Variants in ATRIP observed in about 807,000 individuals in gnomAD.
ATRIP encodes the protein ATR-interacting protein.
ATRIP carries 44 observed loss-of-function variants against 78.1 expected under a neutral mutation model. The ratio of observed to expected loss-of-function variants is 0.56; its 90% confidence interval spans 0.44 to 0.72. The LOEUF is 0.72. ATRIP is among the 30% of genes least tolerant of loss of function. The pLI, the probability that ATRIP is intolerant of heterozygous loss-of-function variation, is 0.00. For missense variants in ATRIP, 927 were observed against 980.2 expected (o/e 0.95, Z 0.72); for synonymous variants, 388 against 408.9 (o/e 0.95, Z 0.62).
chr3:48,463,709 GGGAGTGTCAC>G, intron 8 of ATRIP, 26 bp from the exon 9 acceptor site: 1 of 1,612,682 alleles, frequency 6.2e-7, no homozygotes, highest in Non-Finnish European at 8.5e-7. Context: ...GCTGGGGTTG[GGGAGTGTCAC>G]GTCTCTCTGG....
Position 48,446,873 on chromosome 3 carries a change from A to C in ATRIP, c.28A>C (p.Lys10Gln), listed in dbSNP as rs1313494164. 1 of 1,402,490 alleles carries C rather than the reference A, an allele frequency of 7.1e-7. No individual in the cohort carries two copies. The highest frequency in any genetic ancestry group is 9.3e-7 in the Non-Finnish European group (1 of 1,080,676). 86.9% of individuals were successfully genotyped at this position (1,402,490 alleles called of 1,614,324 possible). A position where few individuals can be genotyped will look rare whatever the true frequency, so the allele number is the denominator to read the frequency against. Reference sequence around the variant, plus strand: ...GGCGGGGACCTCCGCGCCAGGCAGCAAGAGGCGGAGCGAGCCCCCGGCGCC... The same window carrying C: ...GGCGGGGACCTCCGCGCCAGGCAGCCAGAGGCGGAGCGAGCCCCCGGCGCC... Reference protein sequence around the residue: MAGTSAPGSKRRSEPPAPRP... With the variant: MAGTSAPGSQRRSEPPAPRP... Residue 10 changes from lysine (K) to glutamine (Q), a missense_variant, in exon 1 of 13, where the codon AAG becomes CAG. Physicochemically the swap from Lys to Gln is moderately conservative, Grantham distance 53. Coordinates refer to ENST00000320211, the MANE Select transcript of ATRIP (RefSeq NM_130384.3).
chr3:48,459,889 C>T lies in ATRIP; in HGVS notation c.1028C>T (p.Thr343Ile). 6.2e-7 allele frequency: 1 copy of T among 1,613,636 alleles called. No homozygotes were observed. Among genetic ancestry groups the T allele is most frequent in the Admixed American group, 1.7e-5 (1 of 59,880 alleles). ...LSSSSESPAG[T>I]PLQPPGFGST... The stretch of plus-strand genomic sequence containing the variant: ...AGTAGTTCTGAGTCTCCTGCTGGCA[C>T]CCCCCTGCAGCCACCAGGGTTTGGC... The change falls in exon 7 of 13, where the codon ACC becomes ATC. Residue 343 changes from threonine to isoleucine, a missense_variant. Coordinates refer to ENST00000320211, the MANE Select transcript of ATRIP (RefSeq NM_130384.3).
intron 12 of ATRIP, among the ~76,000 whole-genome samples, 187 bp from the exon 13 acceptor site, chr3:48,465,300 G>A (rs1035047295): frequency 1.4e-4 from 21 of 152,208 alleles, no homozygotes; most frequent in African/African-American, 5.1e-4. Context: ...GCAGAGCCAC[G>A]GTTTTTCCAG....
In ATRIP at chr3:48,446,793, G is replaced by A; in HGVS notation, c.-53G>A. On this transcript the variant is annotated 5_prime_UTR_variant, in exon 1 of 13. Transcript: ENST00000320211. ...ACGGTTGGTCCAGTTCTCCGGCCTG[G>A]CGGCAGGCAAGTCTAGCTCGGCGCT... 3 of 1,357,636 alleles carry A rather than the reference G, an allele frequency of 2.2e-6. No individual in the cohort carries two copies. Among genetic ancestry groups the A allele is most frequent in the Non-Finnish European group, 2.8e-6 (3 of 1,052,792 alleles). 84.1% of individuals were successfully genotyped at this position (1,357,636 alleles called of 1,614,324 possible).
chr3:48,466,306 T>C lies in ATRIP; in HGVS notation c.*752T>C, dbSNP rs1027219174. The C allele has an allele frequency of 9.4e-6, 7 of 744,950 alleles. No homozygotes were observed. Among genetic ancestry groups the C allele is most frequent in the Middle Eastern group, 3.7e-4 (1 of 2,714 alleles). 46.1% of individuals were successfully genotyped at this position (744,950 alleles called of 1,614,324 possible). The stretch of plus-strand genomic sequence containing the variant: ...CACTACTGCCTGCCTGCCTGCCTGC[T>C]ACGGTGAGTGTGGCCCCCACAATGG... On this transcript the variant is annotated 3_prime_UTR_variant, in exon 13 of 13. Coordinates refer to ENST00000320211, the MANE Select transcript of ATRIP (RefSeq NM_130384.3).
intron 8 of ATRIP, 97 bp downstream of exon 8, chr3:48,460,896 A>G (rs2040088049): frequency 3.3e-6 from 4 of 1,201,416 alleles, no homozygotes; most frequent in Non-Finnish European, 4.6e-6. Context: ...ATCTTGACTT[A>G]TCTACACTAG....
Position 48,460,112 on chromosome 3 carries a change from C to G in ATRIP, c.1058C>G (p.Thr353Ser), listed in dbSNP as rs2040059090. The G allele has an allele frequency of 6.2e-7, 1 of 1,609,036 alleles. No homozygotes were observed. Among genetic ancestry groups the G allele is most frequent in the Admixed American group, 1.7e-5 (1 of 59,480 alleles). Reference sequence around the variant, plus strand: ...TTTTTCTTTGTGTTTGTTGCCAGTACCTTGGCTGGAATGTCAGGCCTCAGG... The same window carrying G: ...TTTTTCTTTGTGTTTGTTGCCAGTAGCTTGGCTGGAATGTCAGGCCTCAGG... ...TPLQPPGFGS[T>S]LAGMSGLRTT... is the part of the protein sequence containing the mutation. Residue 353 changes from threonine to serine, a missense_variant and splice_region_variant, in exon 8 of 13, where the codon ACC becomes AGC. Transcript: ENST00000320211.
intron 1 of ATRIP, 148 bp downstream of exon 1, chr3:48,447,240 T>C: frequency 7.9e-7 from 1 of 1,267,324 alleles, no homozygotes; most frequent in East Asian, 3.2e-5. Context: ...AGCGGTTGTC[T>C]TCCAGAAGGT....
intron 3 of ATRIP, among the ~76,000 whole-genome samples, chr3:48,453,143 C>G (rs2039875579): frequency 6.6e-6 from 1 of 152,148 alleles, no homozygotes; most frequent in African/African-American, 2.4e-5. Context: ...CTTGGCCTTC[C>G]AAAGTGCTGA....
In ATRIP at chr3:48,467,298, C is replaced by G. The variant is rs1289310718; in HGVS notation, c.*1744C>G. On this transcript the variant is annotated 3_prime_UTR_variant, in exon 13 of 13. Transcript: ENST00000320211. The stretch of plus-strand genomic sequence containing the variant: ...CATCTGTCAGTGGAGACCACAGGCC[C>G]TGCTGCGGTGGGTGGATGCTCACGC... 1 of 1,614,186 alleles carries G rather than the reference C, an allele frequency of 6.2e-7. No homozygotes were observed. The highest frequency in any genetic ancestry group is 8.5e-7 in the Non-Finnish European group (1 of 1,180,024).
chr3:48,454,320 A>T lies in ATRIP; in HGVS notation c.573A>T (p.Glu191Asp). ...TCCAGCTCCAATCATTGCAGTCTGA[A>T]CTCCAGTTTAAAGATGCAGAGATGA... ...FSKKLQSLQS[E>D]LQFKDAEMNE... The change falls in exon 4 of 13, where the codon GAA (glutamate) becomes GAT (aspartate). Residue 191 changes from glutamate (E) to aspartate (D), a missense_variant. By Grantham distance (45) the Glu-to-Asp change is conservative (BLOSUM62 2). Coordinates refer to ENST00000320211, the MANE Select transcript of ATRIP (RefSeq NM_130384.3). 6.2e-7 allele frequency: 1 copy of T among 1,612,460 alleles called. No homozygotes were observed. Among genetic ancestry groups the T allele is most frequent in the Non-Finnish European group, 8.5e-7 (1 of 1,178,726 alleles).
intron 8 of ATRIP, among the ~76,000 whole-genome samples, chr3:48,462,392 C>T (rs965883566): frequency 2.0e-5 from 3 of 151,984 alleles, no homozygotes; most frequent in African/African-American, 4.8e-5. Flanking sequence ...TGGGGCTCTT[C>T]ATAAAATTTC....
In ATRIP at chr3:48,463,730, G is replaced by T; in HGVS notation, c.1746-15G>T. 3 of 1,614,016 alleles carry T rather than the reference G, an allele frequency of 1.9e-6. No homozygotes were observed. The highest frequency in any genetic ancestry group is 1.3e-5 in the African/African-American group (1 of 75,022). ...GTTGGGGAGTGTCACGTCTCTCTGG[G>T]TCCCTGTCTTTTAGGTTCCAGTGTG... On this transcript the variant is annotated splice_polypyrimidine_tract_variant and intron_variant, in intron 8 of 12. Transcript: ENST00000320211.
chr3:48,460,592 T>C lies in ATRIP; in HGVS notation c.1538T>C (p.Leu513Pro), dbSNP rs140119694. Residue 513 changes from leucine (L) to proline (P), a missense_variant, in exon 8 of 13, where the codon CTG becomes CCG. Transcript: ENST00000320211. The part of the protein sequence containing the change: ...DSAAGEGNRS[L>P]VHRLSDGDMT... ...GCTGCTGGGGAAGGAAACAGGAGCC[T>C]GGTTCACAGGCTTAGTGATGGAGAT... is the stretch of plus-strand genomic sequence containing the variant. 234 of 1,614,190 alleles carry C rather than the reference T, an allele frequency of 1.4e-4. No homozygotes were observed. The African/African-American group carries it at 2.7e-3, about 19-fold the overall frequency.
At position 48,466,994 on chromosome 3, in the gene ATRIP, G is replaced by A. The variant is rs56400532; in HGVS notation, c.*1440G>A. ...CCAACCTGCTCCTAGCCTTCCTGCG[G>A]CGCCAGCCACAGCCCTGGTGCCTGG... On this transcript the variant is annotated 3_prime_UTR_variant, in exon 13 of 13. Coordinates refer to ENST00000320211, the MANE Select transcript of ATRIP (RefSeq NM_130384.3). 1.4e-4 allele frequency: 231 copies of A among 1,613,360 alleles called. No homozygotes were observed. Among genetic ancestry groups the A allele is most frequent in the Non-Finnish European group, 1.3e-4 (151 of 1,180,046 alleles).
intron 8 of ATRIP, among the ~76,000 whole-genome samples, chr3:48,462,624 A>G (rs2040149257): frequency 6.6e-6 from 1 of 151,168 alleles, no homozygotes; most frequent in Admixed American, 6.6e-5. Context: ...AATCGCTTGA[A>G]CCCTGGAGGC....
rs547752029 is a variant in ATRIP at position 48,466,840 on chromosome 3, G to C, written c.*1286G>C. On this transcript the variant is annotated 3_prime_UTR_variant, in exon 13 of 13. Transcript: ENST00000320211. ...CCTCCCACAGTTCCTCCACCACCGCGTGTGGTAGACAAGCTCTCCCTGTGT... is the reference window on the plus strand; with the variant it reads ...CCTCCCACAGTTCCTCCACCACCGCCTGTGGTAGACAAGCTCTCCCTGTGT... The C allele has an allele frequency of 1.2e-6, 2 of 1,613,848 alleles. No homozygotes were observed. Among genetic ancestry groups the C allele is most frequent in the Non-Finnish European group, 1.7e-6 (2 of 1,180,040 alleles).
chr3:48,449,123 A>T (rs1194226142), intron 1 of ATRIP, among the ~76,000 whole-genome samples: 2 of 152,174 alleles, frequency 1.3e-5, no homozygotes, highest in Non-Finnish European at 2.9e-5. Flanking sequence ...AGGATCATTT[A>T]TGAGTTTCAG....
In ATRIP at chr3:48,463,799, G is replaced by C. The variant is rs781680036; in HGVS notation, c.1800G>C (p.Leu600=). Residue 600 remains leucine (L), a synonymous_variant, in exon 9 of 13, where the codon CTG becomes CTC. Transcript: ENST00000320211. ...AGTGCCTCAGCCCAGAGACACCCCTGCCTAGCGTGCTGCTGGCTGTTGAGC... is the reference window on the plus strand; with the variant it reads ...AGTGCCTCAGCCCAGAGACACCCCTCCCTAGCGTGCTGCTGGCTGTTGAGC... ...LPKCLSPETP[L]PSVLLAVELL... 2.5e-6 allele frequency: 4 copies of C among 1,614,046 alleles called. No individual in the cohort carries two copies. In the African/African-American group the frequency reaches 4.0e-5, roughly 16 times the overall value.
Sources: gnomAD v4.1 joint callset for allele counts (sites outside exome capture counted in the v4.1 genomes callset) on GRCh38, gnomAD v4.1.1 for gene constraint, MANE v1.5 for transcripts, NCBI Gene and HGNC (gene_info 2026-07-23, HGNC 2026-07-21) for gene names.